The following PLEKHG5 variants were observed in gnomAD, a reference collection of about 807,000 sequenced individuals.
The protein encoded by PLEKHG5 is pleckstrin homology domain-containing family G member 5.
PLEKHG5 carries 52 observed loss-of-function variants against 103.8 expected under a neutral mutation model. The ratio of observed to expected loss-of-function variants is 0.50; its 90% CI spans 0.40 to 0.63. The LOEUF (loss-of-function observed/expected upper bound fraction) is 0.63. Among genes scored for constraint, PLEKHG5 ranks in the 30% least tolerant of loss-of-function variants. PLEKHG5 has a pLI of 0.00. For missense variants in PLEKHG5, 1,205 were observed against 1,347.6 expected, an observed-to-expected ratio of 0.89 and a Z score of 1.66; for synonymous variants, 592 against 575.5, an observed-to-expected ratio of 1.03 and a Z score of -0.41.
chr1:6,484,766 G>T (rs1644985436), intron 1 of PLEKHG5, among the ~76,000 whole-genome samples: 1 of 152,152 alleles, frequency 6.6e-6, no homozygotes, highest in Admixed American at 6.5e-5. Context: ...GGTCCGGGGG[G>T]GAATGTTCCC....
chr1:6,475,442 G>T lies in PLEKHG5; in HGVS notation c.210+20C>A. 1 of 1,611,042 alleles carries T rather than the reference G, an allele frequency of 6.2e-7. No individual in the cohort carries two copies. The highest frequency in any genetic ancestry group is 2.2e-5 in the East Asian group (1 of 44,828). On this transcript the variant is annotated intron_variant, in intron 4 of 20. Coordinates refer to ENST00000377728, the MANE Select transcript of PLEKHG5 (RefSeq NM_020631.6). Reference sequence around the variant, plus strand: ...AGGCTGTAGGGAACCCGCATCTGCCGGCTCTGGGGGGCTCCTCACATCCGT... The same window carrying T: ...AGGCTGTAGGGAACCCGCATCTGCCTGCTCTGGGGGGCTCCTCACATCCGT...
chr1:6,473,481 G>A (rs1044124032), intron 7 of PLEKHG5, 27 bp from the exon 8 acceptor site: 132 of 1,487,202 alleles, frequency 8.9e-5, no homozygotes, highest in Non-Finnish European at 1.1e-4. Context: ...GGTCAGGGCC[G>A]GGACCCCCTG....
chr1:6,487,910 C>CA lies in PLEKHG5; in HGVS notation c.-88+3726dup, dbSNP rs1645071411. On this transcript the variant is annotated intron_variant, in intron 1 of 20. Transcript: ENST00000377728. The surrounding 1 kb of genome is among the most constrained non-coding windows in gnomAD (Gnocchi z 4.1). ...GCTTGGTGGGGATGAGATCAGTGAA[C>CA]AGATGAAGGCAGAAGGGCCTTCATG... is the stretch of plus-strand genomic sequence containing the variant. Among the ~76,000 whole-genome samples, 1 of 152,198 alleles carries CA rather than the reference C, an allele frequency of 6.6e-6. No individual in the cohort carries two copies. The highest frequency in any genetic ancestry group is 2.4e-5 in the African/African-American group (1 of 41,430).
intron 1 of PLEKHG5, chr1:6,519,369 G>C: frequency 8.6e-7 from 1 of 1,157,222 alleles, no homozygotes. Flanking sequence ...AGCCCTCCAA[G>C]ACCTGCAAAG....
rs750868344 is a variant in PLEKHG5 at position 6,470,370 on chromosome 1, C to T, written c.1681-15G>A. Reference sequence around the variant, plus strand: ...TCCTTCAGGAGCTGGGGACGGATGGCGTGAACGTAGGGGAGGCCAGAGACT... The same window carrying T: ...TCCTTCAGGAGCTGGGGACGGATGGTGTGAACGTAGGGGAGGCCAGAGACT... On this transcript the variant is annotated splice_polypyrimidine_tract_variant and intron_variant, in intron 15 of 20. Transcript: ENST00000377728. The T allele has an allele frequency of 1.9e-5, 31 of 1,613,740 alleles. No homozygotes were observed. The highest frequency in any genetic ancestry group is 6.7e-5 in the East Asian group (3 of 44,884).
At chr1:6,470,042 C>A (rs1644519919) in intron 16 of PLEKHG5, among the ~76,000 whole-genome samples, 194 bp downstream of exon 16, 1 of 152,198 alleles carries the variant, frequency 6.6e-6, no homozygotes, top group South Asian at 2.1e-4. Context: ...CAAATGGGCA[C>A]AACTGGTGCC....
chr1:6,475,442 G>C lies in PLEKHG5; in HGVS notation c.210+20C>G. On this transcript the variant is annotated intron_variant, in intron 4 of 20. Transcript: ENST00000377728. ...AGGCTGTAGGGAACCCGCATCTGCC[G>C]GCTCTGGGGGGCTCCTCACATCCGT... The C allele has an allele frequency of 6.2e-7, 1 of 1,611,042 alleles. No individual in the cohort carries two copies. The highest frequency in any genetic ancestry group is 1.1e-5 in the South Asian group (1 of 91,002).
intron 7 of PLEKHG5, 21 bp from the exon 8 acceptor site, chr1:6,473,475 A>G (rs1390873621): frequency 8.0e-6 from 12 of 1,505,256 alleles, no homozygotes; most frequent in Non-Finnish European, 1.1e-5. Context: ...AAGGGTGGTC[A>G]GGGCCGGGAC....
At chr1:6,518,002 G>A (rs1323680841) in intron 1 of PLEKHG5, among the ~76,000 whole-genome samples, 1 of 151,980 alleles carries the variant, frequency 6.6e-6, no homozygotes, top group African/African-American at 2.4e-5. Context: ...GCTCCATCTT[G>A]GCTCACTGCA....
chr1:6,467,802 C>A, intron 20 of PLEKHG5, 23 bp downstream of exon 20: 1 of 1,612,396 alleles, frequency 6.2e-7, no homozygotes, highest in South Asian at 1.1e-5. Context: ...GCCACCTGCC[C>A]TACCCCAGTC....
At chr1:6,495,572 G>A (rs1044821211), upstream of PLEKHG5, among the ~76,000 whole-genome samples, 4 of 152,202 alleles carry the variant, frequency 2.6e-5, no homozygotes, top group African/African-American at 9.7e-5. Context: ...GTCCCTGAGT[G>A]AGCCTCAGTT....
rs1348491680 is a variant in PLEKHG5 at position 6,473,345 on chromosome 1, C to G, written c.701G>C (p.Gly234Ala). 3.2e-6 allele frequency: 5 copies of G among 1,553,622 alleles called. No individual in the cohort carries two copies. Among genetic ancestry groups the G allele is most frequent in the Non-Finnish European group, 4.4e-6 (5 of 1,149,286 alleles). Residue 234 changes from glycine (G) to alanine (A), a missense_variant, in exon 8 of 21, where the codon GGC becomes GCC. Physicochemically the swap from Gly to Ala is moderately conservative, Grantham distance 60. Transcript: ENST00000377728. ...SSCSLPSGSS[G>A]STNTGDSWKN... The stretch of plus-strand genomic sequence containing the variant: ...CCAGCTGTCGCCAGTGTTGGTGCTG[C>G]CACTGCTGCCGCTGGGCAGAGAGCA...
intron 1 of PLEKHG5, among the ~76,000 whole-genome samples, chr1:6,481,862 TA>T (rs202091933): frequency 2.3e-3 from 319 of 137,056 alleles, no homozygotes; most frequent in Non-Finnish European, 3.5e-3. Flanking sequence ...GACATTATCT[TA>T]AAAAAAAAAA....
rs746738015 is a variant in PLEKHG5, at chr1:6,470,538, C to T, written c.1648G>A (p.Val550Met). The T allele has an allele frequency of 3.7e-6, 6 of 1,608,220 alleles. No homozygotes were observed. The highest frequency in any genetic ancestry group is 5.1e-6 in the Non-Finnish European group (6 of 1,179,892). Residue 550 changes from valine (V) to methionine (M), a missense_variant, in exon 15 of 21, where the codon GTG (valine) becomes ATG (methionine). By Grantham distance (21) the Val-to-Met change is conservative (BLOSUM62 1). Coordinates refer to ENST00000377728, the MANE Select transcript of PLEKHG5 (RefSeq NM_020631.6). ...ACTTCGTCGCTGCTGCTTTCCACCA[C>T]CTCGTAGGCGTCGATGCGGCTCACC... is the stretch of plus-strand genomic sequence containing the variant. ...AVVSRIDAYE[V>M]VESSSDEVDK...
In PLEKHG5 at chr1:6,473,166, G is replaced by A; in HGVS notation, c.804C>T (p.Asp268=). 6.2e-7 allele frequency: 1 copy of A among 1,613,816 alleles called. No individual in the cohort carries two copies. The highest frequency in any genetic ancestry group is 8.5e-7 in the Non-Finnish European group (1 of 1,179,974). Residue 268 remains aspartate, a synonymous_variant, in exon 9 of 21, where the codon GAC becomes GAT. Transcript: ENST00000377728. The stretch of plus-strand genomic sequence containing the variant: ...GCTTGCCCTCCAGCTGCTCCATCTT[G>A]TCTACCTCCTGGAAAGATACCCTGG... ...PSTSAFGREV[D]KMEQLEGKLH...
At chr1:6,475,001 C>G in intron 5 of PLEKHG5, 46 bp downstream of exon 5, 1 of 1,158,096 alleles carries the variant, frequency 8.6e-7, no homozygotes, top group Non-Finnish European at 1.3e-6. Flanking sequence ...ATGGGGCCAC[C>G]CCTACTCCCA....
chr1:6,504,513 T>C (rs542476244), intron 1 of PLEKHG5, among the ~76,000 whole-genome samples: 35 of 151,956 alleles, frequency 2.3e-4, no homozygotes, highest in Admixed American at 9.8e-4. Flanking sequence ...CTGGCCTTCA[T>C]GCCCACCCGG....
intron 7 of PLEKHG5, among the ~76,000 whole-genome samples, chr1:6,473,769 C>T (rs1644669284): frequency 6.6e-6 from 1 of 152,304 alleles, no homozygotes; most frequent in African/African-American, 2.4e-5. Context: ...CACACATGCA[C>T]ACACAGGTTC....
rs1461388530 is a variant in PLEKHG5, at chr1:6,505,524, C to T, written c.-164-8955G>A. On this transcript the variant is annotated intron_variant, in intron 1 of 21. Transcript: ENST00000377740. The surrounding 1 kb of genome is among the most constrained non-coding windows in gnomAD (Gnocchi z 4.2). ...AACGTCCCACCCCTCTAAACACAAG[C>T]CACGGGGCTCAGCGTCCCCGAGAGC... Among the ~76,000 whole-genome samples the T allele has an allele frequency of 6.6e-6, 1 of 152,206 alleles. No homozygotes were observed. Among genetic ancestry groups the T allele is most frequent in the Admixed American group, 6.5e-5 (1 of 15,288 alleles).
Sources: allele counts gnomAD v4.1 joint callset (sites outside exome capture counted in the v4.1 genomes callset), GRCh38; gene constraint gnomAD v4.1.1; non-coding constraint Gnocchi (gnomAD v3.1); transcripts MANE v1.5; gene names NCBI Gene and HGNC (gene_info 2026-07-23, HGNC 2026-07-21).